The following JAM2 variants were observed in gnomAD, a reference collection of about 807,000 sequenced individuals.
The protein encoded by JAM2 is junctional adhesion molecule 2.
In JAM2, 17 loss-of-function variants were observed where a neutral mutation model predicts 42.0. The observed-to-expected ratio is 0.40, with a 90% CI of 0.28 to 0.61. The LOEUF is 0.61. JAM2 is among the 20% of genes least tolerant of loss of function. The probability of loss-of-function intolerance (pLI) is 0.37; values close to 1 mark genes in which losing one functional copy is unlikely to be tolerated. For synonymous variants in JAM2, 118 were observed against 128.6 expected, an observed-to-expected ratio of 0.92 and a Z score of 0.56; for missense variants, 319 against 358.3, an observed-to-expected ratio of 0.89 and a Z score of 0.89.
At chr21:25,671,481 A>G (rs1032471912) in intron 1 of JAM2, among the ~76,000 whole-genome samples, 2 of 151,754 alleles carry the variant, frequency 1.3e-5, no homozygotes, top group Non-Finnish European at 2.9e-5. Flanking sequence ...TATACAACCT[A>G]TTTTAGAAAA....
chr21:25,702,689 C>A, intron 6 of JAM2, among the ~76,000 whole-genome samples: 1 of 152,130 alleles, frequency 6.6e-6, no homozygotes, highest in East Asian at 1.9e-4. Flanking sequence ...CATTTATAGT[C>A]AACGTAGCAC....
rs1295859779 is a variant in JAM2 at position 25,717,197 on chromosome 21, A to C, written c.*2525A>C. On this transcript the variant is annotated 3_prime_UTR_variant, in exon 10 of 10. Transcript: ENST00000480456. ...CACAAAGGGCAGAGTATTGAGCACT[A>C]ATTTCCTATTAAAAGTATATATATG... The C allele has an allele frequency of 1.3e-5, 2 of 153,170 alleles. No individual in the cohort carries two copies. The highest frequency in any genetic ancestry group is 1.9e-4 in the East Asian group (1 of 5,220). 9.5% of individuals were successfully genotyped at this position (153,170 alleles called of 1,614,324 possible). A position where few individuals can be genotyped will look rare whatever the true frequency, so the allele number is the denominator to read the frequency against.
At chr21:25,652,428 T>C (rs898364693) in intron 1 of JAM2, among the ~76,000 whole-genome samples, 4 of 152,090 alleles carry the variant, frequency 2.6e-5, no homozygotes, top group Non-Finnish European at 5.9e-5. Context: ...ATGAACCTAC[T>C]GTATATCAAA....
intron 8 of JAM2, among the ~76,000 whole-genome samples, chr21:25,710,441 A>G (rs554769394): frequency 1.3e-5 from 2 of 152,314 alleles, no homozygotes; most frequent in Admixed American, 1.3e-4. Context: ...AACAAATAAG[A>G]GAATATACAA....
rs1310403192 is a variant in JAM2 at position 25,699,558 on chromosome 21, T to C, written c.597+679T>C. On this transcript the variant is annotated intron_variant, in intron 5 of 9. Transcript: ENST00000480456. ...TAACACGGTGAAACCCCGTCTCTAC[T>C]AAAAATACAAAAGACTTAGCCGGGC... Among the ~76,000 whole-genome samples the C allele has an allele frequency of 2.6e-5, 4 of 151,816 alleles. No individual in the cohort carries two copies. The East Asian group carries it at 7.8e-4, about 29-fold the overall frequency.
intron 1 of JAM2, among the ~76,000 whole-genome samples, chr21:25,671,063 C>T (rs1278929858): frequency 6.6e-6 from 1 of 152,148 alleles, no homozygotes; most frequent in African/African-American, 2.4e-5. Context: ...AAATAAAATT[C>T]ACACAGCTCT....
chr21:25,640,426 A>G (rs1262864221), intron 1 of JAM2, among the ~76,000 whole-genome samples: 1 of 152,158 alleles, frequency 6.6e-6, no homozygotes. Flanking sequence ...AATTACTTTT[A>G]TCCTCTCCAC....
chr21:25,661,278 A>C (rs2033081914), intron 1 of JAM2, among the ~76,000 whole-genome samples: 1 of 152,058 alleles, frequency 6.6e-6, no homozygotes. Context: ...CAACATGGCA[A>C]GATTCCATCT....
At chr21:25,704,028 T>A (rs73161757) in intron 6 of JAM2, among the ~76,000 whole-genome samples, 13,473 of 151,892 alleles carry the variant, frequency 0.089, 772 homozygotes, top group East Asian at 0.3. Flanking sequence ...CCTTCCTTCA[T>A]AGATGTCAAA....
intron 1 of JAM2, among the ~76,000 whole-genome samples, chr21:25,654,667 A>C (rs2032879638): frequency 6.7e-6 from 1 of 149,922 alleles, no homozygotes; most frequent in African/African-American, 2.5e-5. Flanking sequence ...AAAAAAAAAA[A>C]AATTGGAAGC....
chr21:25,700,475 C>T (rs2034142535), intron 5 of JAM2, among the ~76,000 whole-genome samples: 1 of 152,178 alleles, frequency 6.6e-6, no homozygotes, highest in Non-Finnish European at 1.5e-5. Context: ...ATTCTCCTGC[C>T]TCAGCCTCCA....
intron 1 of JAM2, among the ~76,000 whole-genome samples, chr21:25,666,154 AT>A (rs1255751862): frequency 2.0e-5 from 3 of 152,164 alleles, no homozygotes; most frequent in African/African-American, 7.2e-5. Flanking sequence ...GACAGGTAAA[AT>A]TAACTATCAC....
chr21:25,662,366 T>C (rs9305263), intron 1 of JAM2, among the ~76,000 whole-genome samples: 60,480 of 151,910 alleles, frequency 0.4, 14,003 homozygotes, highest in East Asian at 0.64. Flanking sequence ...CCCAAGCCAC[T>C]CTTGAAGCCC....
At chr21:25,647,079 C>T (rs990382476) in intron 1 of JAM2, among the ~76,000 whole-genome samples, 3 of 152,182 alleles carry the variant, frequency 2.0e-5, no homozygotes, top group Non-Finnish European at 4.4e-5. Context: ...AATGCAGTCA[C>T]CTGCTGTTTT....
At chr21:25,712,315 A>G in intron 8 of JAM2, 25 bp from the exon 9 acceptor site, 1 of 1,517,732 alleles carries the variant, frequency 6.6e-7, no homozygotes, top group Non-Finnish European at 9.1e-7. Context: ...TGTAGTAAAT[A>G]TTGTCTTTTA....
chr21:25,668,011 G>T (rs1030682279), intron 1 of JAM2, among the ~76,000 whole-genome samples: 2 of 152,154 alleles, frequency 1.3e-5, no homozygotes, highest in Admixed American at 6.6e-5. Flanking sequence ...TATTAAGGAG[G>T]TGTCCTTTGA....
intron 5 of JAM2, 58 bp downstream of exon 5, chr21:25,698,937 T>C (rs1433183709): frequency 2.0e-5 from 29 of 1,457,286 alleles, no homozygotes; most frequent in Middle Eastern, 1.7e-4. Flanking sequence ...AAAAAAATTA[T>C]TAGAACTTAA....
chr21:25,676,144 C>T (rs1236221512), intron 1 of JAM2, among the ~76,000 whole-genome samples: 2 of 151,572 alleles, frequency 1.3e-5, no homozygotes, highest in African/African-American at 4.8e-5. Flanking sequence ...AAAAATTAGC[C>T]AGGTGTGGTG....
intron 1 of JAM2, among the ~76,000 whole-genome samples, chr21:25,667,054 ATATTCAT>A (rs1212766034): frequency 6.6e-6 from 1 of 152,208 alleles, no homozygotes; most frequent in Non-Finnish European, 1.5e-5. Flanking sequence ...TTAAAGTGGT[ATATTCAT>A]TATATCATAG....
Sources: gnomAD v4.1 joint callset for allele counts (sites outside exome capture counted in the v4.1 genomes callset) on GRCh38, gnomAD v4.1.1 for gene constraint, MANE v1.5 for transcripts, NCBI Gene and HGNC (gene_info 2026-07-23, HGNC 2026-07-21) for gene names.